IGFBP2: variants seen among roughly 807,000 people sequenced by gnomAD.
The protein encoded by IGFBP2 is insulin-like growth factor-binding protein 2.
IGFBP2 carries 12 observed loss-of-function variants against 26.2 expected under a neutral mutation model. The ratio of observed to expected loss-of-function variants is 0.46; its 90% confidence interval spans 0.29 to 0.74. The LOEUF is 0.74. Among genes scored for constraint, IGFBP2 ranks in the 30% least tolerant of loss-of-function variants. The pLI is 0.09. For missense variants in IGFBP2, 328 were observed against 441.2 expected (o/e 0.74, Z 2.30); for synonymous variants, 189 against 200.6 (o/e 0.94, Z 0.49).
At chr2:216,634,778 A>C (rs1292343544) in intron 1 of IGFBP2, among the ~76,000 whole-genome samples, 1 of 83,348 alleles carries the variant, frequency 1.2e-5, no homozygotes, top group Non-Finnish European at 2.3e-5. Flanking sequence ...CCCTATCTTA[A>C]ATTGAGGGAC....
intron 1 of IGFBP2, among the ~76,000 whole-genome samples, chr2:216,655,101 GC>G (rs1169580334): frequency 8.5e-5 from 13 of 152,180 alleles, no homozygotes; most frequent in African/African-American, 3.1e-4. Context: ...AGGCTGGAGT[GC>G]AGTGGCATGA....
At chr2:216,639,897 C>T (rs1697578410) in intron 1 of IGFBP2, among the ~76,000 whole-genome samples, 2 of 152,186 alleles carry the variant, frequency 1.3e-5, no homozygotes, top group African/African-American at 4.8e-5. Flanking sequence ...CCCGCCTTGG[C>T]CTCCCAAAGT....
At position 216,660,643 on chromosome 2, in the gene IGFBP2, G is replaced by T. The variant is rs1330893650; in HGVS notation, c.529G>T (p.Gly177Cys). ...MNMLGGGGSA[G>C]RKPLKSGMKE... ...CATGTTGGGCGGGGGAGGCAGTGCT[G>T]GCCGGAAGCCCCTCAAGTCGGGTAT... The change falls in exon 2 of 4, where the codon GGC becomes TGC. Residue 177 changes from glycine to cysteine, a missense_variant. Coordinates refer to ENST00000233809, the MANE Select transcript of IGFBP2 (RefSeq NM_000597.3). The T allele has an allele frequency of 6.2e-7, 1 of 1,614,068 alleles. No individual in the cohort carries two copies. The highest frequency in any genetic ancestry group is 8.5e-7 in the Non-Finnish European group (1 of 1,180,016).
At chr2:216,638,555 AAGT>A (rs1189870819) in intron 1 of IGFBP2, among the ~76,000 whole-genome samples, 17 of 152,106 alleles carry the variant, frequency 1.1e-4, no homozygotes, top group Non-Finnish European at 1.5e-5. Context: ...GGTTACCTGA[AAGT>A]AGGAGCATAT....
chr2:216,642,650 T>A (rs1697640041), intron 1 of IGFBP2, among the ~76,000 whole-genome samples: 1 of 152,142 alleles, frequency 6.6e-6, no homozygotes, highest in Non-Finnish European at 1.5e-5. Context: ...GCTCTTTGGA[T>A]CCGATGTGCT....
chr2:216,641,261 C>A (rs1032537712), intron 1 of IGFBP2, among the ~76,000 whole-genome samples: 1 of 152,112 alleles, frequency 6.6e-6, no homozygotes. Context: ...AAATGAAGGC[C>A]AAACTGGAAA....
intron 1 of IGFBP2, among the ~76,000 whole-genome samples, chr2:216,643,087 A>G (rs1460038316): frequency 6.6e-6 from 1 of 152,200 alleles, no homozygotes. Context: ...AGGGCACCCG[A>G]TGCCACCCAT....
At chr2:216,650,372 C>G (rs541094996) in intron 1 of IGFBP2, among the ~76,000 whole-genome samples, 1 of 152,206 alleles carries the variant, frequency 6.6e-6, no homozygotes, top group South Asian at 2.1e-4. Context: ...AAGTCAGGAT[C>G]GAACCTCAGT....
chr2:216,663,972 G>A lies in IGFBP2; in HGVS notation c.846G>A (p.Glu282=), dbSNP rs770311437. 1.9e-6 allele frequency: 3 copies of A among 1,614,162 alleles called. No homozygotes were observed. Among genetic ancestry groups the A allele is most frequent in the East Asian group, 2.2e-5 (1 of 44,880 alleles). The change falls in exon 4 of 4, where the codon GAG becomes GAA. Residue 282 remains glutamate, a synonymous_variant. Transcript: ENST00000233809. ...TGTCTCTGAACGGGCAGCGTGGGGA[G>A]TGCTGGTGTGTGAACCCCAACACCG... is the stretch of plus-strand genomic sequence containing the variant. The part of the protein sequence containing the change: ...CKMSLNGQRG[E]CWCVNPNTGK...
chr2:216,638,561 G>A (rs1418301343), intron 1 of IGFBP2, among the ~76,000 whole-genome samples: 2 of 152,086 alleles, frequency 1.3e-5, no homozygotes, highest in Non-Finnish European at 2.9e-5. Flanking sequence ...CTGAAAGTAG[G>A]AGCATATCCA....
At chr2:216,649,098 A>G (rs990793817) in intron 1 of IGFBP2, among the ~76,000 whole-genome samples, 5 of 152,218 alleles carry the variant, frequency 3.3e-5, no homozygotes, top group African/African-American at 1.2e-4. Context: ...TAATATGCCT[A>G]TGTTTGCATA....
chr2:216,654,573 G>C (rs1368320735), intron 1 of IGFBP2, among the ~76,000 whole-genome samples: 6 of 152,202 alleles, frequency 3.9e-5, no homozygotes, highest in Non-Finnish European at 8.8e-5. Flanking sequence ...AATGCTTTCT[G>C]ATCTCTGCCT....
Position 216,664,175 on chromosome 2 carries a change from G to T in IGFBP2, c.*71G>T. On this transcript the variant is annotated 3_prime_UTR_variant, in exon 4 of 4. Transcript: ENST00000233809. The surrounding 1 kb of genome is among the most constrained non-coding windows in gnomAD (Gnocchi z 4.6). ...CAAACACCGGCAGAAAACGGAGAGT[G>T]CTTGGGTGGTGGGTGCTGGAGGATT... 7.6e-7 allele frequency: 1 copy of T among 1,309,780 alleles called. No individual in the cohort carries two copies. Among genetic ancestry groups the T allele is most frequent in the Non-Finnish European group, 1.0e-6 (1 of 968,584 alleles). 81.1% of individuals were successfully genotyped at this position (1,309,780 alleles called of 1,614,324 possible).
chr2:216,656,122 C>G (rs576725297), intron 1 of IGFBP2, among the ~76,000 whole-genome samples: 1 of 152,164 alleles, frequency 6.6e-6, no homozygotes, highest in Non-Finnish European at 1.5e-5. Context: ...GTGTGTGCCC[C>G]TCTCCTTTTT....
intron 1 of IGFBP2, among the ~76,000 whole-genome samples, chr2:216,637,198 T>G (rs1434474684): frequency 6.6e-6 from 1 of 151,940 alleles, no homozygotes; most frequent in African/African-American, 2.4e-5. Context: ...ACCTTCCACC[T>G]CCCCTCCCCC....
intron 3 of IGFBP2, 115 bp downstream of exon 3, chr2:216,662,113 A>G: frequency 1.7e-6 from 2 of 1,188,508 alleles, no homozygotes; most frequent in Non-Finnish European, 2.4e-6. Flanking sequence ...TGAGTGAGAG[A>G]CTCAGACTCC....
At chr2:216,637,308 T>C (rs565797494) in intron 1 of IGFBP2, among the ~76,000 whole-genome samples, 1 of 152,284 alleles carries the variant, frequency 6.6e-6, no homozygotes, top group African/African-American at 2.4e-5. Flanking sequence ...AGCGCCTGTC[T>C]AGGAGACCAA....
At chr2:216,647,729 C>A (rs1010489739) in intron 1 of IGFBP2, among the ~76,000 whole-genome samples, 2 of 152,092 alleles carry the variant, frequency 1.3e-5, no homozygotes, top group Admixed American at 6.6e-5. Context: ...ACCATGTTAG[C>A]CAGGATGGTC....
At chr2:216,662,239 T>TG (rs1688671586) in intron 3 of IGFBP2, 2 of 554,944 alleles carry the variant, frequency 3.6e-6, no homozygotes. Flanking sequence ...CGGCCTCACT[T>TG]GGAGTCCAGG....
Sources: gnomAD v4.1 joint callset for allele counts (sites outside exome capture counted in the v4.1 genomes callset) on GRCh38, gnomAD v4.1.1 for gene constraint, Gnocchi (gnomAD v3.1) non-coding constraint, MANE v1.5 for transcripts, NCBI Gene and HGNC (gene_info 2026-07-23, HGNC 2026-07-21) for gene names.